The following VWDE variants were observed in gnomAD, a reference collection of about 807,000 sequenced individuals.
VWDE encodes the protein von Willebrand factor D and EGF domains, also known as von Willebrand factor D and EGF domain-containing protein.
VWDE carries 207 observed loss-of-function variants against 178.4 expected under a neutral mutation model. The observed-to-expected ratio is 1.16, with a 90% CI of 1.04 to 1.30. The LOEUF is 1.30. Among genes scored for constraint, VWDE ranks in the 50% most tolerant of loss-of-function variants. The pLI, the probability that VWDE is intolerant of heterozygous loss-of-function variation, is 0.00. For synonymous variants in VWDE, 738 were observed against 651.4 expected (o/e 1.13, Z -2.02); for missense variants, 2,287 against 1,901.3 (o/e 1.20, Z -3.77).
rs764459714 is a variant in VWDE at position 12,362,234 on chromosome 7, C to T, written c.2899-713G>A. 4.9e-3 allele frequency among the ~76,000 whole-genome samples: 747 copies of T among 151,914 alleles called. 4 individuals carry two copies. Among genetic ancestry groups the T allele is most frequent in the Non-Finnish European group, 7.7e-3 (523 of 67,916 alleles). ...TGAGACAAACATACACACACACACA[C>T]ACACACACACATAAAAATGCACACA... On this transcript the variant is annotated intron_variant, in intron 13 of 28. Transcript: ENST00000275358.
At chr7:12,345,849 G>A (rs927290837) in intron 19 of VWDE, among the ~76,000 whole-genome samples, 2 of 152,140 alleles carry the variant, frequency 1.3e-5, no homozygotes, top group Admixed American at 6.6e-5. Context: ...TTTCAGTGAT[G>A]AGCGGGAGAT....
chr7:12,392,196 A>C (rs947014507), intron 2 of VWDE, among the ~76,000 whole-genome samples: 3 of 152,214 alleles, frequency 2.0e-5, no homozygotes, highest in Non-Finnish European at 4.4e-5. Context: ...TAATGAAGTA[A>C]CACTAGCTAC....
At chr7:12,333,871 TC>T in intron 27 of VWDE, 1 of 218,844 alleles carries the variant, frequency 4.6e-6, no homozygotes, top group Non-Finnish European at 8.9e-6. Flanking sequence ...TCTTTTTTTT[TC>T]TAGAGGAGCT....
intron 23 of VWDE, among the ~76,000 whole-genome samples, 196 bp from the exon 24 acceptor site, chr7:12,340,613 A>G (rs1282936285): frequency 6.6e-6 from 1 of 152,216 alleles, no homozygotes; most frequent in Non-Finnish European, 1.5e-5. Context: ...AAGTATGTTC[A>G]TTAAGTTTAC....
At chr7:12,334,453 G>C (rs940546384) in intron 27 of VWDE, among the ~76,000 whole-genome samples, 1 of 1,292 alleles carries the variant, frequency 7.7e-4, no homozygotes, top group African/African-American at 0.012. Context: ...ACATTGACAG[G>C]GTTGTTTTCA....
intron 27 of VWDE, among the ~76,000 whole-genome samples, chr7:12,334,998 T>A (rs58818488): frequency 0.015 from 2,226 of 152,268 alleles, 65 homozygotes; most frequent in African/African-American, 0.051. Flanking sequence ...AATGTATACA[T>A]TACAATAGCA....
chr7:12,361,082 C>A, intron 15 of VWDE, 65 bp downstream of exon 15: 1 of 998,960 alleles, frequency 1.0e-6, no homozygotes, highest in Non-Finnish European at 1.5e-6. Flanking sequence ...AATTAATGTG[C>A]CCACAGCATA....
chr7:12,384,640 A>G (rs1026576750), intron 3 of VWDE, among the ~76,000 whole-genome samples: 1 of 152,130 alleles, frequency 6.6e-6, no homozygotes, highest in African/African-American at 2.4e-5. Context: ...ATAGTGAAAC[A>G]CACTATAATC....
At chr7:12,339,887 G>A (rs6973401) in intron 24 of VWDE, among the ~76,000 whole-genome samples, 101,596 of 151,926 alleles carry the variant, frequency 0.67, 35,440 homozygotes, top group African/African-American at 0.89. Flanking sequence ...ATCTTCTTGC[G>A]TAGCGCTGTG....
At chr7:12,333,618 G>C (rs1301976083) in intron 27 of VWDE, 50 bp from the exon 28 acceptor site, 1 of 1,288,420 alleles carries the variant, frequency 7.8e-7, no homozygotes, top group South Asian at 1.3e-5. Context: ...TGAAATGCTT[G>C]TGGCATATTC....
At chr7:12,344,082 T>C (rs1418737381) in intron 21 of VWDE, 113 bp downstream of exon 21, 1 of 713,318 alleles carries the variant, frequency 1.4e-6, no homozygotes, top group South Asian at 2.5e-5. Flanking sequence ...CCAGCTTTGA[T>C]AAGAATATTT....
At chr7:12,389,101 C>T (rs1562516029) in intron 3 of VWDE, 26 bp downstream of exon 3, 1 of 1,405,708 alleles carries the variant, frequency 7.1e-7, no homozygotes. Flanking sequence ...GAATAACAGT[C>T]ATGTGAATTA....
At chr7:12,384,423 A>G (rs183571318) in intron 3 of VWDE, among the ~76,000 whole-genome samples, 116 of 152,210 alleles carry the variant, frequency 7.6e-4, no homozygotes, top group African/African-American at 2.8e-3. Flanking sequence ...ATCATAGTGG[A>G]TACACGTTAT....
chr7:12,332,540 C>G (rs899923399), intron 28 of VWDE, among the ~76,000 whole-genome samples: 1 of 152,150 alleles, frequency 6.6e-6, no homozygotes. Flanking sequence ...CCATAAAAAT[C>G]TCACATCAAA....
rs762545098 is a variant in VWDE at position 12,370,104 on chromosome 7, G to C, written c.2202C>G (p.Gly734=). The C allele has an allele frequency of 6.4e-7, 1 of 1,551,450 alleles. No homozygotes were observed. Among genetic ancestry groups the C allele is most frequent in the South Asian group, 1.2e-5 (1 of 84,060 alleles). ...QYLANKKYTQ[G]RGSHSQEMRY... is the part of the protein sequence containing the mutation. Reference sequence around the variant, plus strand: ...TCATTTCTTGGCTGTGGCTTCCCCGGCCTTGTGTATATTTCTTATTGGCCA... The same window carrying C: ...TCATTTCTTGGCTGTGGCTTCCCCGCCCTTGTGTATATTTCTTATTGGCCA... The change falls in exon 12 of 29, where the codon GGC becomes GGG. Residue 734 remains glycine (G), a synonymous_variant. Transcript: ENST00000275358.
At chr7:12,333,317 A>G (rs1035850706) in intron 28 of VWDE, 148 bp downstream of exon 28, 6 of 591,204 alleles carry the variant, frequency 1.0e-5, no homozygotes, top group Non-Finnish European at 1.4e-5. Context: ...AAACACAAAA[A>G]TGATACAATT....
At chr7:12,351,840 T>C in intron 18 of VWDE, 127 bp from the exon 19 acceptor site, 1 of 773,790 alleles carries the variant, frequency 1.3e-6, no homozygotes, top group Non-Finnish European at 1.9e-6. Context: ...ATAACTCACT[T>C]AAATGTCATC....
chr7:12,389,417 A>G, intron 2 of VWDE, 59 bp from the exon 3 acceptor site: 1 of 1,232,034 alleles, frequency 8.1e-7, no homozygotes, highest in African/African-American at 1.5e-5. Flanking sequence ...CATTGTAGAT[A>G]TATCAACTTT....
chr7:12,373,122 A>T lies in VWDE; in HGVS notation c.1442T>A (p.Phe481Tyr). Residue 481 changes from phenylalanine to tyrosine, a missense_variant, in exon 10 of 29, where the codon TTT (phenylalanine) becomes TAT (tyrosine). Physicochemically the swap from Phe to Tyr is conservative, Grantham distance 22. Coordinates refer to ENST00000275358, the MANE Select transcript of VWDE (RefSeq NM_001135924.3). ...TATATCACCTCCTTCCTGGGCAACAAACCCACAATTACATGACACTGGATA... is the reference window on the plus strand; with the variant it reads ...TATATCACCTCCTTCCTGGGCAACATACCCACAATTACATGACACTGGATA... ...LHYPVSCNCG[F>Y]VAQEGGDIVT... 6.4e-7 allele frequency: 1 copy of T among 1,551,394 alleles called. No homozygotes were observed. Among genetic ancestry groups the T allele is most frequent in the Non-Finnish European group, 8.7e-7 (1 of 1,146,808 alleles).
Sources: allele counts gnomAD v4.1 joint callset (sites outside exome capture counted in the v4.1 genomes callset), GRCh38; gene constraint gnomAD v4.1.1; transcripts MANE v1.5; gene names NCBI Gene and HGNC (gene_info 2026-07-23, HGNC 2026-07-21).